PPARGC1A: variants seen among roughly 807,000 people sequenced by gnomAD.
PPARGC1A encodes peroxisome proliferator-activated receptor gamma coactivator 1-alpha.
Under a neutral mutation model 88.7 loss-of-function variants are expected in PPARGC1A, and 25 were observed. The ratio of observed to expected loss-of-function variants is 0.28; its 90% CI spans 0.21 to 0.39. The LOEUF (loss-of-function observed/expected upper bound fraction) is 0.39, where lower values mean the gene tolerates loss of function less well. Among genes scored for constraint, PPARGC1A ranks in the 10% least tolerant of loss-of-function variants. The pLI is 1.00. For synonymous variants in PPARGC1A, 363 were observed against 355.6 expected, an observed-to-expected ratio of 1.02 and a Z score of -0.24; for missense variants, 880 against 968.7, an observed-to-expected ratio of 0.91 and a Z score of 1.22.
At chr4:23,896,935 G>A (rs550331077) in intron 1 of PPARGC1A, among the ~76,000 whole-genome samples, 17 of 152,188 alleles carry the variant, frequency 1.1e-4, no homozygotes, top group African/African-American at 4.1e-4. Flanking sequence ...GTTTCAACCC[G>A]GTGACATACA....
At chr4:24,264,801 T>C in the PPARGC1A span, among the ~76,000 whole-genome samples, 1 of 152,246 alleles carries the variant, frequency 6.6e-6, no homozygotes, top group Non-Finnish European at 1.5e-5. Context: ...GTACAAGAAC[T>C]GCTTTTGCCT....
At chr4:23,894,451 T>C (rs1388915746), upstream of PPARGC1A, among the ~76,000 whole-genome samples, 2 of 151,572 alleles carry the variant, frequency 1.3e-5, no homozygotes, top group Non-Finnish European at 2.9e-5. Context: ...AAATTAAACC[T>C]CATTTTGCTT....
chr4:24,432,878 T>A, the PPARGC1A span, among the ~76,000 whole-genome samples: 1 of 152,348 alleles, frequency 6.6e-6, no homozygotes, highest in East Asian at 1.9e-4. Flanking sequence ...CCATCTTTCA[T>A]AATGCAGCTC....
At chr4:24,310,947 T>A in the PPARGC1A span, among the ~76,000 whole-genome samples, 1 of 152,020 alleles carries the variant, frequency 6.6e-6, no homozygotes, top group Non-Finnish European at 1.5e-5. Flanking sequence ...GGTAAAAGAA[T>A]GCATGCTTGT....
At chr4:23,894,428 T>C (rs1356512926), upstream of PPARGC1A, among the ~76,000 whole-genome samples, 2 of 151,928 alleles carry the variant, frequency 1.3e-5, no homozygotes, top group Non-Finnish European at 2.9e-5. Flanking sequence ...ACTTCTATTC[T>C]ATAAATACTA....
chr4:23,998,951 C>T, the PPARGC1A span, among the ~76,000 whole-genome samples: 15 of 152,140 alleles, frequency 9.9e-5, no homozygotes, highest in Non-Finnish European at 1.5e-4. Flanking sequence ...GAAATGTAGA[C>T]GCTTGATTTA....
At chr4:24,241,705 A>C in the PPARGC1A span, among the ~76,000 whole-genome samples, 1 of 152,342 alleles carries the variant, frequency 6.6e-6, no homozygotes, top group South Asian at 2.1e-4. Context: ...GAATAAGCAA[A>C]AATTTCAGGC....
At chr4:23,977,973 C>T in the PPARGC1A span, among the ~76,000 whole-genome samples, 2 of 152,116 alleles carry the variant, frequency 1.3e-5, no homozygotes, top group Non-Finnish European at 2.9e-5. Flanking sequence ...ACTACTAGAA[C>T]ATTGTACAAT....
the PPARGC1A span, among the ~76,000 whole-genome samples, chr4:23,975,649 C>T: frequency 6.6e-6 from 1 of 152,214 alleles, no homozygotes; most frequent in East Asian, 1.9e-4. Context: ...AACTCCTGGC[C>T]TCAAGTGATC....
At chr4:23,891,127 C>T (rs2148856872), upstream of PPARGC1A, among the ~76,000 whole-genome samples, 1 of 152,256 alleles carries the variant, frequency 6.6e-6, no homozygotes, top group South Asian at 2.1e-4. Context: ...AGGGCTAATG[C>T]AGGTAGGTGC....
chr4:23,824,205 A>G, intron 7 of PPARGC1A, 75 bp downstream of exon 7: 1 of 1,260,500 alleles, frequency 7.9e-7, no homozygotes, highest in Non-Finnish European at 1.2e-6. Flanking sequence ...TAGACAGTAC[A>G]CTCTGTTATC....
At chr4:23,856,793 C>T (rs1486832420) in intron 2 of PPARGC1A, among the ~76,000 whole-genome samples, 3 of 151,884 alleles carry the variant, frequency 2.0e-5, no homozygotes, top group Non-Finnish European at 4.4e-5. Flanking sequence ...TAACAGAAGC[C>T]GGACTCTCCC....
At chr4:24,370,741 G>GTC in the PPARGC1A span, among the ~76,000 whole-genome samples, 169 of 116,016 alleles carry the variant, frequency 1.5e-3, no homozygotes, top group South Asian at 4.4e-3. Flanking sequence ...AGTTTCTCCT[G>GTC]TCTCTCTCTT....
At chr4:24,400,111 G>A in the PPARGC1A span, among the ~76,000 whole-genome samples, 10 of 152,100 alleles carry the variant, frequency 6.6e-5, no homozygotes, top group Non-Finnish European at 1.3e-4. Context: ...ATATTCTATG[G>A]AGTAATTCTT....
the PPARGC1A span, among the ~76,000 whole-genome samples, chr4:24,329,781 G>A: frequency 4.1e-4 from 62 of 152,282 alleles, no homozygotes; most frequent in East Asian, 3.7e-3. Flanking sequence ...TGAATATTTC[G>A]TAGGTCAAAT....
At chr4:23,878,118 A>G (rs75946396) in intron 2 of PPARGC1A, among the ~76,000 whole-genome samples, 108 of 152,302 alleles carry the variant, frequency 7.1e-4, no homozygotes, top group African/African-American at 2.5e-3. Context: ...ATATCCAGGC[A>G]GAGTAACTTT....
chr4:23,907,958 CTGTT>C (rs374898293), upstream of PPARGC1A, among the ~76,000 whole-genome samples: 172 of 152,270 alleles, frequency 1.1e-3, 1 homozygote, highest in African/African-American at 4.0e-3. Context: ...AAGAAGAAAA[CTGTT>C]TGGGGCACAG....
the PPARGC1A span, among the ~76,000 whole-genome samples, chr4:23,997,728 G>A: frequency 6.6e-6 from 1 of 152,012 alleles, no homozygotes; most frequent in South Asian, 2.1e-4. Context: ...CGAAGCTCAG[G>A]CAATCCACCT....
At chr4:24,340,941 T>A in the PPARGC1A span, among the ~76,000 whole-genome samples, 1 of 152,262 alleles carries the variant, frequency 6.6e-6, no homozygotes, top group African/African-American at 2.4e-5. Flanking sequence ...CTGAAAGTCA[T>A]CTCCAGAGAT....
Sources: gnomAD v4.1 joint callset for allele counts (sites outside exome capture counted in the v4.1 genomes callset) on GRCh38, gnomAD v4.1.1 for gene constraint, MANE v1.5 for transcripts, NCBI Gene and HGNC (gene_info 2026-07-23, HGNC 2026-07-21) for gene names.